CFAP299: variants seen among roughly 807,000 people sequenced by gnomAD.
The protein encoded by CFAP299 is cilia- and flagella-associated protein 299.
Under a neutral mutation model 27.0 loss-of-function variants are expected in CFAP299, and 21 were observed. That is an observed-to-expected ratio of 0.78 (90% CI 0.55 to 1.12). The LOEUF is 1.12. Among genes scored for constraint, CFAP299 ranks in the 50% most tolerant of loss-of-function variants. The pLI is 0.00. For synonymous variants in CFAP299, 104 were observed against 98.1 expected, an observed-to-expected ratio of 1.06 and a Z score of -0.36; for missense variants, 310 against 276.6, an observed-to-expected ratio of 1.12 and a Z score of -0.86.
chr4:80,854,878 T>C (rs1435856897), intron 3 of CFAP299, among the ~76,000 whole-genome samples: 1 of 144,694 alleles, frequency 6.9e-6, no homozygotes, highest in Non-Finnish European at 1.5e-5. Context: ...CAGAATTTTC[T>C]AAACTAGATA....
intron 3 of CFAP299, among the ~76,000 whole-genome samples, chr4:80,618,830 A>G (rs530188902): frequency 6.6e-6 from 1 of 152,204 alleles, no homozygotes; most frequent in Non-Finnish European, 1.5e-5. Flanking sequence ...GTATAATATA[A>G]TAATATCATA....
At chr4:80,399,586 C>G (rs1293474641) in intron 2 of CFAP299, among the ~76,000 whole-genome samples, 1 of 150,952 alleles carries the variant, frequency 6.6e-6, no homozygotes. Flanking sequence ...CAAACTATTG[C>G]AAGGACAAAA....
chr4:80,665,914 A>G (rs1160645581), intron 3 of CFAP299, among the ~76,000 whole-genome samples: 1 of 152,030 alleles, frequency 6.6e-6, no homozygotes, highest in Non-Finnish European at 1.5e-5. Context: ...CTGCCACGTG[A>G]GATGCCTGCT....
intron 4 of CFAP299, among the ~76,000 whole-genome samples, chr4:80,937,168 A>C (rs1413156539): frequency 6.6e-6 from 1 of 151,782 alleles, no homozygotes; most frequent in East Asian, 1.9e-4. Flanking sequence ...CATCTTGATG[A>C]ATTAATCTTG....
At chr4:80,863,056 A>C (rs955007483) in intron 3 of CFAP299, among the ~76,000 whole-genome samples, 1 of 152,174 alleles carries the variant, frequency 6.6e-6, no homozygotes, top group African/African-American at 2.4e-5. Flanking sequence ...ATTCTAGCAC[A>C]TAACGATTCC....
chr4:80,813,208 T>C (rs1393227115), intron 3 of CFAP299, among the ~76,000 whole-genome samples: 1 of 152,000 alleles, frequency 6.6e-6, no homozygotes, highest in Non-Finnish European at 1.5e-5. Context: ...ACACACATAT[T>C]TGCACAGAGA....
At chr4:80,937,505 G>C (rs1427401643) in intron 4 of CFAP299, among the ~76,000 whole-genome samples, 2 of 151,194 alleles carry the variant, frequency 1.3e-5, no homozygotes, top group Non-Finnish European at 1.5e-5. Context: ...TTTTTGTAGA[G>C]ACATGGTTTC....
At chr4:80,733,113 A>T (rs1723635766) in intron 3 of CFAP299, among the ~76,000 whole-genome samples, 3 of 152,120 alleles carry the variant, frequency 2.0e-5, no homozygotes, top group Non-Finnish European at 2.9e-5. Flanking sequence ...ACATATATCT[A>T]CCAGCTTGAA....
intron 4 of CFAP299, chr4:80,870,613 C>G (rs1388268981): frequency 1.0e-6 from 1 of 985,896 alleles, no homozygotes; most frequent in Non-Finnish European, 1.2e-6. Context: ...CCAATGCTTG[C>G]CTTTTATTCT....
chr4:80,672,443 A>G (rs1021580218), intron 3 of CFAP299, among the ~76,000 whole-genome samples: 5 of 152,206 alleles, frequency 3.3e-5, no homozygotes, highest in Non-Finnish European at 7.3e-5. Context: ...GATGTTCATC[A>G]GGGATATTGG....
In CFAP299 at chr4:80,924,514, ATGTGTG is replaced by A. The variant is rs35374483; in HGVS notation, c.477-20276_477-20271del. 4.1e-3 allele frequency among the ~76,000 whole-genome samples: 565 copies of A among 137,498 alleles called. 5 individuals are homozygous for A. Among genetic ancestry groups the A allele is most frequent in the Middle Eastern group, 0.011 (3 of 278 alleles). The allele number at this position is 137,498 out of a possible 152,430, so 90.2% of individuals were successfully genotyped here. ...ATACATAATCGTGTGACAATTCATT[ATGTGTG>A]TGTGTGTGTGTGTGTGTGTATATAT... On this transcript the variant is annotated intron_variant, in intron 4 of 5. Transcript: ENST00000358105.
intron 3 of CFAP299, among the ~76,000 whole-genome samples, chr4:80,852,337 C>T (rs1731573065): frequency 6.6e-6 from 1 of 152,132 alleles, no homozygotes; most frequent in Non-Finnish European, 1.5e-5. Flanking sequence ...TGGGACTCAG[C>T]AATCTGTGCT....
intron 2 of CFAP299, among the ~76,000 whole-genome samples, chr4:80,531,683 T>C (rs1733471816): frequency 6.6e-6 from 1 of 152,054 alleles, no homozygotes; most frequent in Non-Finnish European, 1.5e-5. Flanking sequence ...AAAATACTAA[T>C]TTTCCCAGCC....
chr4:80,366,951 A>G (rs1325468961), intron 2 of CFAP299, among the ~76,000 whole-genome samples: 1 of 152,216 alleles, frequency 6.6e-6, no homozygotes, highest in Non-Finnish European at 1.5e-5. Flanking sequence ...GAGGCTAGAA[A>G]AAAAAGACTA....
In CFAP299 at chr4:80,800,550, CA is replaced by C. The variant is rs1397730866; in HGVS notation, c.334-69441del. 2.6e-3 allele frequency among the ~76,000 whole-genome samples: 49 copies of C among 18,738 alleles called. 6 individuals carry two copies. Among genetic ancestry groups the C allele is most frequent in the African/African-American group, 0.015 (46 of 3,130 alleles). 12.3% of individuals were successfully genotyped at this position (18,738 alleles called of 152,430 possible). ...ATATATTATATAATATATAATATATCAATATATTATATAATATATTAATATA... is the reference window on the plus strand; with the variant it reads ...ATATATTATATAATATATAATATATCATATATTATATAATATATTAATATA... On this transcript the variant is annotated intron_variant, in intron 3 of 5. Coordinates refer to ENST00000358105, the MANE Select transcript of CFAP299 (RefSeq NM_152770.3).
At position 80,400,953 on chromosome 4, in the gene CFAP299, A is replaced by G. The variant is rs192923192; in HGVS notation, c.242+38069A>G. Among the ~76,000 whole-genome samples the G allele has an allele frequency of 1.0e-3, 159 of 152,320 alleles. 1 individual carries two copies. Among genetic ancestry groups the G allele is most frequent in the Non-Finnish European group, 5.3e-4 (36 of 68,016 alleles). On this transcript the variant is annotated intron_variant, in intron 2 of 5. Transcript: ENST00000358105. ...TGAGCAACTTGTTGGGATCTGGAGT[A>G]AAATGACTGTTGCTATGTTTCATCA...
In CFAP299 at chr4:80,869,989, C is replaced by T. The variant is rs199635070; in HGVS notation, c.334-4C>T. 1.2e-6 allele frequency: 2 copies of T among 1,607,256 alleles called. No individual in the cohort carries two copies. The highest frequency in any genetic ancestry group is 1.3e-5 in the African/African-American group (1 of 74,552). ...TTGTCTTATTCTCTATTCTGTGCTACCAGTCCGTGATCTTTATTCGTGACA... is the reference window on the plus strand; with the variant it reads ...TTGTCTTATTCTCTATTCTGTGCTATCAGTCCGTGATCTTTATTCGTGACA... On this transcript the variant is annotated splice_polypyrimidine_tract_variant and splice_region_variant and intron_variant, in intron 3 of 5. Coordinates refer to ENST00000358105, the MANE Select transcript of CFAP299 (RefSeq NM_152770.3).
chr4:80,420,440 C>A (rs1441083941), intron 2 of CFAP299: 1 of 271,540 alleles, frequency 3.7e-6, no homozygotes, highest in Non-Finnish European at 7.6e-6. Flanking sequence ...ACACTTTTGT[C>A]TTTTTGATAA....
chr4:80,956,801 A>T (rs1418148687), intron 5 of CFAP299, among the ~76,000 whole-genome samples: 3 of 152,064 alleles, frequency 2.0e-5, no homozygotes, highest in Non-Finnish European at 2.9e-5. Context: ...TAGGTTTTTA[A>T]TGGGAATTTT....
Sources: allele counts gnomAD v4.1 joint callset (sites outside exome capture counted in the v4.1 genomes callset), GRCh38; gene constraint gnomAD v4.1.1; transcripts MANE v1.5; gene names NCBI Gene and HGNC (gene_info 2026-07-23, HGNC 2026-07-21).